The following CADM1 variants were observed in gnomAD, a reference collection of about 807,000 sequenced individuals.
CADM1 encodes the protein cell adhesion molecule 1.
Under a neutral mutation model 53.1 loss-of-function variants are expected in CADM1, and 15 were observed. The observed-to-expected ratio is 0.28, with a 90% CI of 0.19 to 0.44. CADM1 has a LOEUF of 0.44. Ranked by LOEUF, CADM1 falls within the 20% of genes least tolerant of loss-of-function variation. CADM1 has a pLI of 1.00. For synonymous variants in CADM1, 281 were observed against 243.0 expected (o/e 1.16, Z -1.45); for missense variants, 434 against 611.3 (o/e 0.71, Z 3.06).
At chr11:115,334,668 G>A (rs1338283916) in intron 1 of CADM1, among the ~76,000 whole-genome samples, 1 of 152,042 alleles carries the variant, frequency 6.6e-6, no homozygotes, top group African/African-American at 2.4e-5. Context: ...GACATCCACT[G>A]GGGATCTTGG....
chr11:115,248,779 G>A (rs1193915902), intron 1 of CADM1, among the ~76,000 whole-genome samples: 1 of 151,964 alleles, frequency 6.6e-6, no homozygotes, highest in Non-Finnish European at 1.5e-5. Context: ...GGTTTTATGA[G>A]AACTAAAAGA....
chr11:115,350,523 T>TA (rs1388664454), intron 1 of CADM1, among the ~76,000 whole-genome samples: 3 of 149,662 alleles, frequency 2.0e-5, no homozygotes, highest in Non-Finnish European at 1.5e-5. Context: ...TTTTTTTTTT[T>TA]AATAAAAACC....
At chr11:115,295,509 TA>T (rs1944030405) in intron 1 of CADM1, among the ~76,000 whole-genome samples, 382 of 27,902 alleles carry the variant, frequency 0.014, 5 homozygotes, top group African/African-American at 0.033. Context: ...AGATATTTTA[TA>T]TATATATATA....
At chr11:115,276,985 T>C (rs1943463131) in intron 1 of CADM1, among the ~76,000 whole-genome samples, 1 of 152,190 alleles carries the variant, frequency 6.6e-6, no homozygotes, top group Non-Finnish European at 1.5e-5. Flanking sequence ...AAGACCACAT[T>C]TTCTCAACAA....
chr11:115,345,023 T>A (rs1055359993), intron 1 of CADM1, among the ~76,000 whole-genome samples: 2 of 152,262 alleles, frequency 1.3e-5, no homozygotes, highest in African/African-American at 4.8e-5. Context: ...TCAAACAAAG[T>A]ATTCGGCAGA....
chr11:115,394,218 A>G (rs1449983977), intron 1 of CADM1, among the ~76,000 whole-genome samples: 2 of 152,246 alleles, frequency 1.3e-5, no homozygotes, highest in African/African-American at 4.8e-5. Flanking sequence ...ATAAAATTAC[A>G]TCAGATCTCT....
intron 1 of CADM1, among the ~76,000 whole-genome samples, chr11:115,401,006 G>T (rs996977733): frequency 6.6e-6 from 1 of 152,016 alleles, no homozygotes; most frequent in African/African-American, 2.4e-5. Context: ...ATTTACCCAA[G>T]AGTTGAAAAC....
At chr11:115,368,263 C>A (rs1246914963) in intron 1 of CADM1, among the ~76,000 whole-genome samples, 1 of 151,992 alleles carries the variant, frequency 6.6e-6, no homozygotes, top group Admixed American at 6.6e-5. Flanking sequence ...TGTCATAGAT[C>A]CTGCAGGGGT....
chr11:115,380,301 T>C (rs1946543266), intron 1 of CADM1, among the ~76,000 whole-genome samples: 1 of 152,162 alleles, frequency 6.6e-6, no homozygotes, highest in African/African-American at 2.4e-5. Flanking sequence ...TAGCTCTGAT[T>C]TTTGAACTCA....
At chr11:115,312,649 C>T (rs1481206971) in intron 1 of CADM1, among the ~76,000 whole-genome samples, 1 of 152,126 alleles carries the variant, frequency 6.6e-6, no homozygotes, top group Non-Finnish European at 1.5e-5. Flanking sequence ...CTTGTCCCCA[C>T]CTTACCAAAA....
intron 1 of CADM1, among the ~76,000 whole-genome samples, chr11:115,466,705 T>A (rs147619489): frequency 6.6e-6 from 1 of 152,186 alleles, no homozygotes; most frequent in Non-Finnish European, 1.5e-5. Context: ...TCAATTAGGA[T>A]CTCGAGTTTT....
intron 1 of CADM1, among the ~76,000 whole-genome samples, chr11:115,430,086 T>G (rs930002176): frequency 6.6e-6 from 1 of 152,074 alleles, no homozygotes; most frequent in African/African-American, 2.4e-5. Context: ...GAAAAATAAC[T>G]TGTAAGGAAC....
intron 1 of CADM1, among the ~76,000 whole-genome samples, chr11:115,243,174 T>A (rs1942300150): frequency 6.6e-6 from 1 of 152,240 alleles, no homozygotes; most frequent in Non-Finnish European, 1.5e-5. Flanking sequence ...AATTTTTCCA[T>A]CTGCAAATGT....
chr11:115,364,780 A>G lies in CADM1; in HGVS notation c.125-124360T>C, dbSNP rs45455497. The stretch of plus-strand genomic sequence containing the variant: ...TTGAAAAATTTTAAACAGCTTCACA[A>G]AGCAATCAATTAATATACCACATAC... On this transcript the variant is annotated intron_variant, in intron 1 of 11. Transcript: ENST00000331581. 4.0e-3 allele frequency among the ~76,000 whole-genome samples: 610 copies of G among 152,300 alleles called. 4 individuals are homozygous for G. The highest frequency in any genetic ancestry group is 5.7e-3 in the Non-Finnish European group (386 of 68,020).
intron 1 of CADM1, among the ~76,000 whole-genome samples, chr11:115,348,431 T>A (rs923410751): frequency 6.6e-6 from 1 of 152,208 alleles, no homozygotes; most frequent in Non-Finnish European, 1.5e-5. Flanking sequence ...TCCTAAAGAT[T>A]AGCTCCGTGT....
intron 1 of CADM1, among the ~76,000 whole-genome samples, chr11:115,268,764 T>C (rs549004782): frequency 1.2e-3 from 179 of 152,300 alleles, no homozygotes; most frequent in African/African-American, 4.0e-3. Context: ...AAACCTGTGC[T>C]CTCCCGTTCC....
At chr11:115,202,410 C>T (rs1940475930) in intron 8 of CADM1, among the ~76,000 whole-genome samples, 1 of 152,052 alleles carries the variant, frequency 6.6e-6, no homozygotes, top group African/African-American at 2.4e-5. Context: ...AATCCTAGAA[C>T]AAAATTAAAT....
chr11:115,403,971 G>T (rs955942226), intron 1 of CADM1, among the ~76,000 whole-genome samples: 2 of 151,324 alleles, frequency 1.3e-5, no homozygotes, highest in Non-Finnish European at 2.9e-5. Context: ...AAAAAAAAAA[G>T]TATTTTTTTA....
rs1005284576 is a variant in CADM1, at chr11:115,256,171, T to C, written c.125-15751A>G. Among the ~76,000 whole-genome samples the C allele has an allele frequency of 2.2e-4, 34 of 152,182 alleles. 1 individual carries two copies. Among genetic ancestry groups the C allele is most frequent in the Non-Finnish European group, 1.5e-4 (10 of 68,030 alleles). On this transcript the variant is annotated intron_variant, in intron 1 of 11. Coordinates refer to ENST00000331581, the MANE Select transcript of CADM1 (RefSeq NM_001301043.2). ...GAGGTTTGTTATAGAAGTGATGAAA[T>C]TCAGCTATATGATTTGAAGGCAGGA...
Sources: allele counts gnomAD v4.1 joint callset (sites outside exome capture counted in the v4.1 genomes callset), GRCh38; gene constraint gnomAD v4.1.1; transcripts MANE v1.5; gene names NCBI Gene and HGNC (gene_info 2026-07-23, HGNC 2026-07-21).